Variants in RNF149 observed in about 807,000 individuals in gnomAD.
RNF149 encodes the protein E3 ubiquitin-protein ligase RNF149.
RNF149 carries 21 observed loss-of-function variants against 39.0 expected under a neutral mutation model. That is an observed-to-expected ratio of 0.54 (90% CI 0.38 to 0.77). RNF149 has a LOEUF of 0.77. RNF149 is among the 30% of genes least tolerant of loss of function. RNF149 has a pLI of 0.00. For missense variants in RNF149, 493 were observed against 534.9 expected (o/e 0.92, Z 0.77); for synonymous variants, 209 against 213.6 (o/e 0.98, Z 0.19).
chr2:101,299,078 AC>A (rs945014603), intron 1 of RNF149, among the ~76,000 whole-genome samples: 2 of 152,158 alleles, frequency 1.3e-5, no homozygotes, highest in African/African-American at 4.8e-5. Flanking sequence ...AATTGCTCGA[AC>A]CCAGAGTTGG....
chr2:101,293,672 A>G (rs1683104693), intron 3 of RNF149, among the ~76,000 whole-genome samples: 1 of 152,208 alleles, frequency 6.6e-6, no homozygotes, highest in South Asian at 2.1e-4. Flanking sequence ...AATGAACTGA[A>G]GCTATCAAGG....
chr2:101,308,122 T>G lies in RNF149; in HGVS notation c.460+7A>C. ...CCCCTCCCGTCCTCGCGCCCCGGCC[T>G]GCTCACCCGCGTGAGACATGGGCAA... is the stretch of plus-strand genomic sequence containing the variant. On this transcript the variant is annotated splice_region_variant and intron_variant, in intron 1 of 6. Transcript: ENST00000295317. 1.2e-6 allele frequency: 2 copies of G among 1,606,830 alleles called. No homozygotes were observed. The highest frequency in any genetic ancestry group is 1.7e-6 in the Non-Finnish European group (2 of 1,177,842).
chr2:101,274,624 C>A (rs1450111388), downstream of RNF149, among the ~76,000 whole-genome samples: 1 of 152,300 alleles, frequency 6.6e-6, no homozygotes, highest in South Asian at 2.1e-4. Context: ...GGCTCGCCAT[C>A]GACAGCAATG....
chr2:101,294,912 C>A lies in RNF149; in HGVS notation c.711+19G>T. 1 of 1,588,752 alleles carries A rather than the reference C, an allele frequency of 6.3e-7. No homozygotes were observed. Among genetic ancestry groups the A allele is most frequent in the Admixed American group, 1.7e-5 (1 of 57,642 alleles). On this transcript the variant is annotated intron_variant, in intron 2 of 6. Coordinates refer to ENST00000295317, the MANE Select transcript of RNF149 (RefSeq NM_173647.4). ...GAATTATCTTTTAAAAAGCAAAATT[C>A]AGAGTTATCCATCATTACCTGACTT... is the stretch of plus-strand genomic sequence containing the variant.
intron 1 of RNF149, among the ~76,000 whole-genome samples, chr2:101,305,838 T>C (rs1350803423): frequency 1.3e-5 from 2 of 152,244 alleles, no homozygotes; most frequent in Admixed American, 6.5e-5. Flanking sequence ...TTTCCTCATC[T>C]GTATGTACTC....
At chr2:101,293,980 C>T (rs376238702) in intron 3 of RNF149, 34 bp downstream of exon 3, 16 of 1,311,280 alleles carry the variant, frequency 1.2e-5, no homozygotes, top group East Asian at 2.3e-5. Context: ...CTACTCTAAA[C>T]CACAAAACAA....
At chr2:101,305,699 A>AG (rs925192509) in intron 1 of RNF149, among the ~76,000 whole-genome samples, 3 of 152,036 alleles carry the variant, frequency 2.0e-5, no homozygotes, top group Admixed American at 1.3e-4. Flanking sequence ...ACATGGGGTG[A>AG]GGGGGGTATG....
downstream of RNF149, chr2:101,273,043 C>G (rs201326385): frequency 3.7e-6 from 5 of 1,354,754 alleles, no homozygotes; most frequent in Non-Finnish European, 4.9e-6. Context: ...TGTCATCATT[C>G]CTCAGTAGCT....
At chr2:101,305,573 A>G (rs2104441682) in intron 1 of RNF149, among the ~76,000 whole-genome samples, 1 of 152,298 alleles carries the variant, frequency 6.6e-6, no homozygotes, top group East Asian at 1.9e-4. Flanking sequence ...ACATTTGGCA[A>G]TATCTGGAGA....
Position 101,276,026 on chromosome 2 carries a change from ATAATC to A in RNF149, c.*1207_*1211del. On this transcript the variant is annotated 3_prime_UTR_variant, in exon 7 of 7. Transcript: ENST00000295317. ...TTAAAGCATTAAGTAGCTTGAGAAA[ATAATC>A]TATATAAATCTTTATATCCTACATA... 2.3e-6 allele frequency: 2 copies of A among 881,100 alleles called. No individual in the cohort carries two copies. Among genetic ancestry groups the A allele is most frequent in the Non-Finnish European group, 2.7e-6 (2 of 735,068 alleles). 54.6% of individuals were successfully genotyped at this position (881,100 alleles called of 1,614,324 possible). A position where few individuals can be genotyped will look rare whatever the true frequency, so the allele number is the denominator to read the frequency against.
chr2:101,286,003 G>C, intron 5 of RNF149, 78 bp downstream of exon 5: 1 of 833,674 alleles, frequency 1.2e-6, no homozygotes, highest in Non-Finnish European at 2.0e-6. Flanking sequence ...TGTTCCTCTT[G>C]TTTCTAGTCA....
chr2:101,290,602 C>T (rs781765103), intron 3 of RNF149, among the ~76,000 whole-genome samples: 3 of 152,002 alleles, frequency 2.0e-5, no homozygotes, highest in Non-Finnish European at 2.9e-5. Flanking sequence ...TATAAAGTAA[C>T]GTATTTACAT....
intron 1 of RNF149, among the ~76,000 whole-genome samples, chr2:101,305,413 C>T (rs1054504393): frequency 1.3e-5 from 2 of 152,190 alleles, no homozygotes; most frequent in African/African-American, 4.8e-5. Flanking sequence ...CCTTATATTT[C>T]TACTTAGACT....
chr2:101,296,906 A>G (rs766780345), intron 1 of RNF149, among the ~76,000 whole-genome samples: 46 of 152,268 alleles, frequency 3.0e-4, no homozygotes, highest in Non-Finnish European at 4.6e-4. Flanking sequence ...AGCAAAACCA[A>G]GTTCAAAAGA....
chr2:101,304,066 C>T (rs528014434), intron 1 of RNF149, among the ~76,000 whole-genome samples: 1 of 152,254 alleles, frequency 6.6e-6, no homozygotes, highest in Admixed American at 6.5e-5. Flanking sequence ...TTCCACCTAC[C>T]TTGGTCAAGC....
At chr2:101,287,841 C>G (rs1682853992) in intron 4 of RNF149, among the ~76,000 whole-genome samples, 1 of 152,194 alleles carries the variant, frequency 6.6e-6, no homozygotes, top group South Asian at 2.1e-4. Flanking sequence ...ACGTACTCTG[C>G]AAACAAAGCA....
chr2:101,298,190 G>C (rs550209872), intron 1 of RNF149, among the ~76,000 whole-genome samples: 31 of 152,284 alleles, frequency 2.0e-4, no homozygotes, highest in African/African-American at 7.2e-4. Context: ...CAACACTTTG[G>C]GGGGCCAAGG....
At chr2:101,291,385 G>A (rs1369590033) in intron 3 of RNF149, among the ~76,000 whole-genome samples, 2 of 151,748 alleles carry the variant, frequency 1.3e-5, no homozygotes, top group African/African-American at 4.8e-5. Context: ...TCCTGACCTC[G>A]TGATCCACCC....
intron 1 of RNF149, among the ~76,000 whole-genome samples, chr2:101,300,739 T>C (rs1319139204): frequency 6.6e-6 from 1 of 152,224 alleles, no homozygotes; most frequent in Non-Finnish European, 1.5e-5. Flanking sequence ...CTGGGAATTA[T>C]TTTAAATTAA....
Sources: allele counts gnomAD v4.1 joint callset (sites outside exome capture counted in the v4.1 genomes callset), GRCh38; gene constraint gnomAD v4.1.1; transcripts MANE v1.5; gene names NCBI Gene and HGNC (gene_info 2026-07-23, HGNC 2026-07-21).